VWA3B: variants seen among roughly 807,000 people sequenced by gnomAD.
The protein encoded by VWA3B is von Willebrand factor A domain containing 3B, also known as von Willebrand factor A domain-containing protein 3B.
In VWA3B, 138 loss-of-function variants were observed where a neutral mutation model predicts 158.3. That is an observed-to-expected ratio of 0.87 (90% CI 0.76 to 1.00). VWA3B has a LOEUF of 1.00. Among genes scored for constraint, VWA3B ranks in the 50% least tolerant of loss-of-function variants. The pLI is 0.00. For synonymous variants in VWA3B, 596 were observed against 587.3 expected, an observed-to-expected ratio of 1.01 and a Z score of -0.21; for missense variants, 1,555 against 1,565.1, an observed-to-expected ratio of 0.99 and a Z score of 0.11.
rs181839346 is a variant in VWA3B, at chr2:98,234,305, T to A, written c.2309-343T>A. Among the ~76,000 whole-genome samples, 199 of 151,926 alleles carry A rather than the reference T, an allele frequency of 1.3e-3. 1 individual carries two copies. Among genetic ancestry groups the A allele is most frequent in the Non-Finnish European group, 2.5e-3 (167 of 67,960 alleles). ...TATTACTGTCTTGAAGATGGAAGAGTCGTGTGAGAAGTAATACAGATGCCT... is the reference window on the plus strand; with the variant it reads ...TATTACTGTCTTGAAGATGGAAGAGACGTGTGAGAAGTAATACAGATGCCT... On this transcript the variant is annotated intron_variant, in intron 16 of 27. Transcript: ENST00000477737.
intron 19 of VWA3B, among the ~76,000 whole-genome samples, chr2:98,242,742 T>A (rs1391146371): frequency 1.3e-5 from 2 of 148,710 alleles, no homozygotes; most frequent in Non-Finnish European, 3.0e-5. Flanking sequence ...AGGTTCTGAG[T>A]AAAGCATTTG....
At chr2:98,129,713 G>T (rs1675713376) in intron 6 of VWA3B, among the ~76,000 whole-genome samples, 5 of 152,190 alleles carry the variant, frequency 3.3e-5, no homozygotes. Context: ...GTGTGTATGT[G>T]TGTGTGTAAG....
At chr2:98,319,254 A>C in the VWA3B span, among the ~76,000 whole-genome samples, 97 of 152,314 alleles carry the variant, frequency 6.4e-4, 1 homozygote, top group African/African-American at 2.2e-3. Flanking sequence ...AGAAGAAAAC[A>C]TGAGTGAATT....
At chr2:98,319,520 G>GT in the VWA3B span, among the ~76,000 whole-genome samples, 5 of 152,138 alleles carry the variant, frequency 3.3e-5, no homozygotes, top group Non-Finnish European at 7.4e-5. Context: ...CTATAAAGCT[G>GT]TAAGAATGGA....
intron 1 of VWA3B, among the ~76,000 whole-genome samples, chr2:98,088,146 G>A (rs1682000323): frequency 6.6e-6 from 1 of 152,158 alleles, no homozygotes; most frequent in African/African-American, 2.4e-5. Flanking sequence ...CTTCGTCCCA[G>A]TTTCCTTTCT....
intron 23 of VWA3B, among the ~76,000 whole-genome samples, chr2:98,296,107 C>T (rs1302076693): frequency 1.3e-5 from 2 of 152,264 alleles, no homozygotes; most frequent in South Asian, 2.1e-4. Context: ...GTCGGCTACA[C>T]AGGCTCTGTC....
intron 7 of VWA3B, among the ~76,000 whole-genome samples, chr2:98,154,546 C>G (rs1298689988): frequency 1.3e-5 from 2 of 152,152 alleles, no homozygotes; most frequent in African/African-American, 4.8e-5. Context: ...TTATGTCTGG[C>G]ATACCTATTT....
intron 12 of VWA3B, chr2:98,206,735 C>A (rs1320190017): frequency 6.0e-6 from 2 of 333,680 alleles, no homozygotes; most frequent in South Asian, 5.5e-5. Context: ...CACTCCCTAG[C>A]CAAGAGTGGC....
chr2:98,113,456 G>A (rs1363877547), intron 2 of VWA3B, among the ~76,000 whole-genome samples: 2 of 152,016 alleles, frequency 1.3e-5, no homozygotes, highest in Non-Finnish European at 2.9e-5. Flanking sequence ...CTGCATATAA[G>A]TAGACCCATG....
intron 7 of VWA3B, among the ~76,000 whole-genome samples, chr2:98,139,013 G>A (rs1297671903): frequency 9.2e-5 from 14 of 152,218 alleles, no homozygotes; most frequent in Admixed American, 8.5e-4. Flanking sequence ...GGAGAGGCAC[G>A]AGCGGGAGCC....
At chr2:98,119,877 A>T in intron 4 of VWA3B, 114 bp downstream of exon 4, 3 of 1,290,820 alleles carry the variant, frequency 2.3e-6, no homozygotes, top group Non-Finnish European at 3.2e-6. Flanking sequence ...AAGAGGCATT[A>T]TCTTATACTT....
chr2:98,102,807 T>TA (rs374758267), intron 2 of VWA3B, among the ~76,000 whole-genome samples: 53 of 152,256 alleles, frequency 3.5e-4, no homozygotes, highest in African/African-American at 1.2e-3. Context: ...ATTTCTTCTT[T>TA]AAATGTTTGA....
intron 12 of VWA3B, chr2:98,207,852 A>G (rs546486033): frequency 4.8e-6 from 1 of 207,322 alleles, no homozygotes; most frequent in East Asian, 1.2e-4. Context: ...AACATGTTCT[A>G]TCTGAAGAGT....
the VWA3B span, among the ~76,000 whole-genome samples, chr2:98,318,641 G>A: frequency 6.6e-6 from 1 of 151,970 alleles, no homozygotes; most frequent in African/African-American, 2.4e-5. Flanking sequence ...TTAATACCTG[G>A]GTGATGAAAT....
chr2:98,290,685 A>T (rs2105948323), intron 23 of VWA3B, 63 bp downstream of exon 23: 2 of 1,156,682 alleles, frequency 1.7e-6, no homozygotes, highest in Non-Finnish European at 2.5e-6. Context: ...AGGGACAAGA[A>T]GTTTCAACCT....
At chr2:98,317,854 T>C (rs1361137216), downstream of VWA3B, among the ~76,000 whole-genome samples, 1 of 152,250 alleles carries the variant, frequency 6.6e-6, no homozygotes, top group Non-Finnish European at 1.5e-5. Context: ...AATAAATCTC[T>C]ACAAATATTT....
chr2:98,223,980 A>T (rs1208465409), intron 14 of VWA3B, among the ~76,000 whole-genome samples: 1 of 152,210 alleles, frequency 6.6e-6, no homozygotes, highest in Non-Finnish European at 1.5e-5. Context: ...CTCCTGCCTC[A>T]GCCTCTCAAA....
At chr2:98,228,129 A>G in intron 14 of VWA3B, 73 bp from the exon 15 acceptor site, 2 of 1,489,046 alleles carry the variant, frequency 1.3e-6, no homozygotes, top group Admixed American at 4.3e-5. Context: ...GTCTCTAAAA[A>G]GAAAAGAAAC....
chr2:98,139,307 A>G (rs1215823746), intron 7 of VWA3B, among the ~76,000 whole-genome samples: 4 of 152,204 alleles, frequency 2.6e-5, no homozygotes, highest in Non-Finnish European at 5.9e-5. Flanking sequence ...GCTCCTGTGC[A>G]GCCCAAGCCT....
Sources: allele counts gnomAD v4.1 joint callset (sites outside exome capture counted in the v4.1 genomes callset), GRCh38; gene constraint gnomAD v4.1.1; transcripts MANE v1.5; gene names NCBI Gene and HGNC (gene_info 2026-07-23, HGNC 2026-07-21).